Variants in NRG3 observed in about 807,000 individuals in gnomAD.
NRG3 encodes neuregulin 3.
Under a neutral mutation model 66.9 loss-of-function variants are expected in NRG3, and 31 were observed. That is an observed-to-expected ratio of 0.46 (90% CI 0.35 to 0.63). NRG3 has a LOEUF of 0.63. Among genes scored for constraint, NRG3 ranks in the 20% least tolerant of loss-of-function variants. NRG3 has a pLI of 0.00. For missense variants in NRG3, 910 were observed against 878.9 expected (o/e 1.04, Z -0.45); for synonymous variants, 393 against 359.4 (o/e 1.09, Z -1.06).
intron 1 of NRG3, among the ~76,000 whole-genome samples, chr10:82,025,281 A>T (rs1483960806): frequency 6.6e-6 from 1 of 150,876 alleles, no homozygotes; most frequent in Non-Finnish European, 1.5e-5. Flanking sequence ...AAGAAATATA[A>T]GAAATATATA....
chr10:82,803,720 A>G (rs1381341020), intron 3 of NRG3, among the ~76,000 whole-genome samples: 1 of 151,700 alleles, frequency 6.6e-6, no homozygotes, highest in Non-Finnish European at 1.5e-5. Flanking sequence ...ATGAAGCGTA[A>G]ATATGTATTT....
intron 2 of NRG3, among the ~76,000 whole-genome samples, chr10:82,452,307 T>G (rs2091053436): frequency 6.6e-6 from 1 of 152,250 alleles, no homozygotes; most frequent in South Asian, 2.1e-4. Context: ...TCACTACATC[T>G]GCTGAATCAG....
chr10:82,675,089 G>T (rs2053582652), intron 2 of NRG3, among the ~76,000 whole-genome samples: 1 of 151,968 alleles, frequency 6.6e-6, no homozygotes, highest in South Asian at 2.1e-4. Context: ...CCCCTGAGTA[G>T]CTGGGATTAC....
intron 1 of NRG3, among the ~76,000 whole-genome samples, chr10:82,357,625 CCTT>C (rs1013828747): frequency 2.0e-5 from 3 of 152,120 alleles, no homozygotes; most frequent in African/African-American, 7.2e-5. Flanking sequence ...TCAACTCAGT[CCTT>C]CTTTCTCTTC....
At chr10:82,183,707 G>T (rs757496658) in intron 1 of NRG3, among the ~76,000 whole-genome samples, 3 of 152,048 alleles carry the variant, frequency 2.0e-5, no homozygotes, top group Non-Finnish European at 2.9e-5. Context: ...GACATTTTTG[G>T]TTGCCATGAC....
intron 1 of NRG3, among the ~76,000 whole-genome samples, chr10:82,173,451 C>T (rs1325025671): frequency 6.6e-6 from 1 of 151,744 alleles, no homozygotes; most frequent in Non-Finnish European, 1.5e-5. Flanking sequence ...CATATGAGTG[C>T]CAAAAATGCA....
At chr10:82,522,029 C>G (rs1017842760) in intron 2 of NRG3, among the ~76,000 whole-genome samples, 1 of 148,286 alleles carries the variant, frequency 6.7e-6, no homozygotes, top group Non-Finnish European at 1.5e-5. Flanking sequence ...AGTTACTTTT[C>G]CGCTGAAGTC....
chr10:82,192,041 T>C (rs1445678909), intron 1 of NRG3, among the ~76,000 whole-genome samples: 1 of 152,168 alleles, frequency 6.6e-6, no homozygotes, highest in Admixed American at 6.5e-5. Flanking sequence ...CAAATTGATT[T>C]TCCTTCTCAA....
intron 1 of NRG3, among the ~76,000 whole-genome samples, chr10:82,277,896 A>C (rs2078933871): frequency 6.6e-6 from 1 of 152,054 alleles, no homozygotes; most frequent in Non-Finnish European, 1.5e-5. Context: ...GGATTGGTCT[A>C]CCCTCCTCAG....
chr10:82,766,769 G>C (rs2059528891), intron 3 of NRG3, among the ~76,000 whole-genome samples: 2 of 151,636 alleles, frequency 1.3e-5, no homozygotes, highest in Admixed American at 1.3e-4. Context: ...CAGTCAGTTT[G>C]ACTGATATCT....
intron 2 of NRG3, among the ~76,000 whole-genome samples, chr10:82,679,128 T>C (rs925443895): frequency 6.6e-6 from 1 of 152,194 alleles, no homozygotes; most frequent in African/African-American, 2.4e-5. Flanking sequence ...AAGGACTTGA[T>C]GAGATGACCA....
At chr10:81,971,199 G>A (rs1165226411) in intron 1 of NRG3, among the ~76,000 whole-genome samples, 1 of 152,140 alleles carries the variant, frequency 6.6e-6, no homozygotes, top group Non-Finnish European at 1.5e-5. Context: ...AGAGCCCCGA[G>A]GCTTAAGCTT....
At chr10:81,971,529 C>T (rs1367133468) in intron 1 of NRG3, among the ~76,000 whole-genome samples, 1 of 152,144 alleles carries the variant, frequency 6.6e-6, no homozygotes, top group Admixed American at 6.5e-5. Context: ...GTAAAAGAGA[C>T]CTTCTGAATG....
chr10:81,926,431 C>T (rs1336462989), intron 1 of NRG3, among the ~76,000 whole-genome samples: 1 of 152,056 alleles, frequency 6.6e-6, no homozygotes, highest in Non-Finnish European at 1.5e-5. Flanking sequence ...CATAATGCTA[C>T]TTTAGAGAAG....
chr10:81,976,282 G>A (rs2060122132), intron 1 of NRG3, among the ~76,000 whole-genome samples: 1 of 152,130 alleles, frequency 6.6e-6, no homozygotes, highest in Non-Finnish European at 1.5e-5. Flanking sequence ...CTGGAGGTTA[G>A]CTAATAGGCA....
intron 1 of NRG3, among the ~76,000 whole-genome samples, chr10:82,187,802 A>G (rs1005988064): frequency 1.3e-5 from 2 of 152,176 alleles, no homozygotes; most frequent in African/African-American, 4.8e-5. Context: ...CTTAGATGGC[A>G]TTACTGAATG....
intron 1 of NRG3, among the ~76,000 whole-genome samples, chr10:82,311,973 C>T (rs761514097): frequency 3.3e-5 from 5 of 152,168 alleles, no homozygotes; most frequent in Non-Finnish European, 7.3e-5. Context: ...TATTCAACCT[C>T]TCTGCCAACT....
At chr10:82,424,026 T>G (rs2089255613) in intron 2 of NRG3, among the ~76,000 whole-genome samples, 1 of 152,062 alleles carries the variant, frequency 6.6e-6, no homozygotes, top group Non-Finnish European at 1.5e-5. Context: ...CAGATTTTCT[T>G]TATTCATTCA....
intron 1 of NRG3, among the ~76,000 whole-genome samples, chr10:82,173,970 A>G (rs1296924408): frequency 6.6e-6 from 1 of 152,004 alleles, no homozygotes; most frequent in Admixed American, 6.6e-5. Flanking sequence ...AGTGTAATTC[A>G]TTTCAAATTA....
Sources: gnomAD v4.1 joint callset for allele counts (sites outside exome capture counted in the v4.1 genomes callset) on GRCh38, gnomAD v4.1.1 for gene constraint, MANE v1.5 for transcripts, NCBI Gene and HGNC (gene_info 2026-07-23, HGNC 2026-07-21) for gene names.